Variants in TCP11L2 observed in about 807,000 individuals in gnomAD.
The protein encoded by TCP11L2 is T-complex protein 11-like protein 2.
Under a neutral mutation model 50.7 loss-of-function variants are expected in TCP11L2, and 39 were observed. The observed-to-expected ratio is 0.77, with a 90% CI of 0.60 to 1.01. TCP11L2 has a LOEUF of 1.01. Among genes scored for constraint, TCP11L2 ranks in the 50% least tolerant of loss-of-function variants. TCP11L2 has a pLI of 0.00. For synonymous variants in TCP11L2, 192 were observed against 219.3 expected, an observed-to-expected ratio of 0.88 and a Z score of 1.10; for missense variants, 612 against 614.7, an observed-to-expected ratio of 1.00 and a Z score of 0.05.
intron 8 of TCP11L2, among the ~76,000 whole-genome samples, chr12:106,336,555 T>C (rs1470555148): frequency 6.8e-6 from 1 of 147,118 alleles, no homozygotes; most frequent in Non-Finnish European, 1.5e-5. Context: ...CAATTTTTTT[T>C]TTTTTTTTTT....
upstream of TCP11L2, among the ~76,000 whole-genome samples, chr12:106,300,016 C>A (rs1000057886): frequency 6.6e-6 from 1 of 151,780 alleles, no homozygotes; most frequent in Admixed American, 6.6e-5. Flanking sequence ...TTTAGTCTAC[C>A]GTGTAATTTA....
intron 3 of TCP11L2, 110 bp downstream of exon 3, chr12:106,314,603 CAGAG>C (rs1176535447): frequency 3.7e-5 from 24 of 645,056 alleles, no homozygotes; most frequent in Non-Finnish European, 5.5e-5. Context: ...GAGAGAGAGA[CAGAG>C]AGAGAGATAG....
At chr12:106,302,320 C>CCGCCCCCGCTCAG (rs1555199710), upstream of TCP11L2, among the ~76,000 whole-genome samples, 1 of 40,036 alleles carries the variant, frequency 2.5e-5, no homozygotes, top group Non-Finnish European at 5.6e-5. Flanking sequence ...AGCCCCCGCT[C>CCGCCCCCGCTCAG]CCCCCGCTCA....
intron 2 of TCP11L2, among the ~76,000 whole-genome samples, chr12:106,313,582 A>AAAATAATT (rs1555201346): frequency 2.2e-5 from 3 of 139,334 alleles, no homozygotes; most frequent in African/African-American, 8.1e-5. Flanking sequence ...CCATCTCAAA[A>AAAATAATT]AAATAAATAA....
chr12:106,316,022 T>C (rs2035065925), intron 3 of TCP11L2, among the ~76,000 whole-genome samples: 1 of 152,262 alleles, frequency 6.6e-6, no homozygotes, highest in Admixed American at 6.5e-5. Context: ...ATGTGGATCA[T>C]AGTCCTCTTG....
intron 3 of TCP11L2, 145 bp from the exon 4 acceptor site, chr12:106,318,199 G>GA: frequency 1.1e-6 from 1 of 932,482 alleles, no homozygotes; most frequent in Non-Finnish European, 1.5e-6. Flanking sequence ...CATTCAACAA[G>GA]AAAAATATTA....
At chr12:106,312,940 A>G (rs1257520065) in intron 2 of TCP11L2, among the ~76,000 whole-genome samples, 1 of 152,202 alleles carries the variant, frequency 6.6e-6, no homozygotes, top group Admixed American at 6.5e-5. Context: ...TGTTTGACAC[A>G]TGATTTTAAT....
chr12:106,326,461 T>C (rs896104987), intron 6 of TCP11L2, among the ~76,000 whole-genome samples: 2 of 152,148 alleles, frequency 1.3e-5, no homozygotes, highest in African/African-American at 2.4e-5. Context: ...TTCCTGATAG[T>C]TGGAGCTGTT....
intron 1 of TCP11L2, among the ~76,000 whole-genome samples, chr12:106,310,581 G>A (rs896940492): frequency 1.3e-5 from 2 of 152,150 alleles, no homozygotes; most frequent in East Asian, 1.9e-4. Flanking sequence ...CAATCTTCTG[G>A]CAACCCAATG....
chr12:106,314,576 T>TGAGAGAGAGA (rs71072670), intron 3 of TCP11L2, 83 bp downstream of exon 3: 3 of 282,666 alleles, frequency 1.1e-5, no homozygotes, highest in African/African-American at 8.0e-5. Flanking sequence ...TGTGTGTGTG[T>TGAGAGAGAGA]GAGAGAGAGA....
At chr12:106,326,746 C>T (rs558658346) in intron 6 of TCP11L2, among the ~76,000 whole-genome samples, 10 of 152,312 alleles carry the variant, frequency 6.6e-5, no homozygotes, top group African/African-American at 2.2e-4. Context: ...CTGTGCAACC[C>T]TGCCTCTCTT....
chr12:106,313,379 G>A (rs894091676), intron 2 of TCP11L2, among the ~76,000 whole-genome samples: 14 of 152,018 alleles, frequency 9.2e-5, no homozygotes, highest in Non-Finnish European at 1.8e-4. Flanking sequence ...TCAGGAGTTC[G>A]AGACCAGCCT....
In TCP11L2 at chr12:106,314,505, G is replaced by A. The variant is rs548428649; in HGVS notation, c.293+12G>A. 1.7e-5 allele frequency: 28 copies of A among 1,606,732 alleles called. No individual in the cohort carries two copies. The African/African-American group carries it at 2.9e-4, about 17-fold the overall frequency. Reference sequence around the variant, plus strand: ...CTCCCAGAAAAGAGGTAACCTGGGGGCATTTGTTGTATATAAACTGCTGAA... The same window carrying A: ...CTCCCAGAAAAGAGGTAACCTGGGGACATTTGTTGTATATAAACTGCTGAA... On this transcript the variant is annotated intron_variant, in intron 3 of 9. Coordinates refer to ENST00000299045, the MANE Select transcript of TCP11L2 (RefSeq NM_152772.3).
chr12:106,320,799 G>C (rs1463743529), intron 4 of TCP11L2, among the ~76,000 whole-genome samples: 1 of 152,188 alleles, frequency 6.6e-6, no homozygotes, highest in Non-Finnish European at 1.5e-5. Context: ...ACAATGTGCC[G>C]TGAAAGTGCT....
At position 106,346,871 on chromosome 12, in the gene TCP11L2, G is replaced by T; in HGVS notation, c.*341G>T. 5.3e-6 allele frequency: 1 copy of T among 187,126 alleles called. No individual in the cohort carries two copies. Among genetic ancestry groups the T allele is most frequent in the Admixed American group, 5.7e-5 (1 of 17,544 alleles). The allele number at this position is 187,126 out of a possible 1,614,324, so 11.6% of individuals were successfully genotyped here. On this transcript the variant is annotated 3_prime_UTR_variant, in exon 10 of 10. Transcript: ENST00000299045. ...TTGGCTTATGACATTTAACCCCTAA[G>T]GAGTTGTTTTTCTCACTTGTTATTA...
At position 106,317,454 on chromosome 12, in the gene TCP11L2, C is replaced by T. The variant is rs376955814; in HGVS notation, c.294-890C>T. Among the ~76,000 whole-genome samples, 605 of 152,270 alleles carry T rather than the reference C, an allele frequency of 4.0e-3. 1 individual carries two copies. The highest frequency in any genetic ancestry group is 6.6e-3 in the Non-Finnish European group (450 of 68,022). ...TCACTTGAACCTGGGAGGCGGAGGCCGCAGTAAGCTGAGACTGCGCCACTG... is the reference window on the plus strand; with the variant it reads ...TCACTTGAACCTGGGAGGCGGAGGCTGCAGTAAGCTGAGACTGCGCCACTG... On this transcript the variant is annotated intron_variant, in intron 3 of 9. Transcript: ENST00000299045.
intron 1 of TCP11L2, chr12:106,307,207 ATTATAT>A (rs1302785159): frequency 1.3e-5 from 2 of 152,252 alleles, no homozygotes; most frequent in Non-Finnish European, 2.9e-5. Flanking sequence ...AAGAAATGAC[ATTATAT>A]TTATTATCAC....
chr12:106,329,931 A>G (rs2035688252), intron 6 of TCP11L2: 1 of 985,832 alleles, frequency 1.0e-6, no homozygotes, highest in African/African-American at 1.7e-5. Context: ...GTGTTGCTTT[A>G]GTGTGGCAAA....
At chr12:106,338,363 T>A (rs561955394) in intron 8 of TCP11L2, among the ~76,000 whole-genome samples, 15 of 152,104 alleles carry the variant, frequency 9.9e-5, no homozygotes, top group African/African-American at 3.6e-4. Flanking sequence ...TTCCCCTTTA[T>A]GTCCATGTTT....
Sources: allele counts gnomAD v4.1 joint callset (sites outside exome capture counted in the v4.1 genomes callset), GRCh38; gene constraint gnomAD v4.1.1; transcripts MANE v1.5; gene names NCBI Gene and HGNC (gene_info 2026-07-23, HGNC 2026-07-21).